Variants in JMJD1C observed in about 807,000 individuals in gnomAD.
JMJD1C encodes the protein jumonji domain containing 1C, also known as jumonji domain-containing protein 1C.
Under a neutral mutation model 245.3 loss-of-function variants are expected in JMJD1C, and 31 were observed. The ratio of observed to expected loss-of-function variants is 0.13; its 90% CI spans 0.09 to 0.17. JMJD1C has a LOEUF of 0.17. JMJD1C is among the 10% of genes least tolerant of loss of function. JMJD1C has a pLI of 1.00. For missense variants in JMJD1C, 2,691 were observed against 3,000.2 expected (o/e 0.90, Z 2.41); for synonymous variants, 1,057 against 1,017.4 (o/e 1.04, Z -0.74).
rs999569007 is a variant in JMJD1C, at chr10:63,442,844, T to C, written c.168+22651A>G. 4.0e-5 allele frequency among the ~76,000 whole-genome samples: 6 copies of C among 150,468 alleles called. No homozygotes were observed. In the South Asian group the frequency reaches 8.3e-4, roughly 21 times the overall value. On this transcript the variant is annotated intron_variant, in intron 1 of 25. Transcript: ENST00000399262. The stretch of plus-strand genomic sequence containing the variant: ...ACTACATAATCCAATCCTTAAGTAT[T>C]GAGTTTTTTTTCCTCCTAACACCAA...
intron 1 of JMJD1C, among the ~76,000 whole-genome samples, chr10:63,461,438 A>G (rs1294477340): frequency 6.6e-6 from 1 of 152,226 alleles, no homozygotes; most frequent in East Asian, 1.9e-4. Flanking sequence ...CTACCAACTA[A>G]ATAAGAAACT....
chr10:63,423,211 C>T (rs1431259411), intron 1 of JMJD1C, among the ~76,000 whole-genome samples: 8 of 152,070 alleles, frequency 5.3e-5, no homozygotes, highest in Non-Finnish European at 1.5e-5. Context: ...GTGATATGCC[C>T]ACCTCAGCCT....
intron 18 of JMJD1C, among the ~76,000 whole-genome samples, chr10:63,187,032 C>A (rs920218859): frequency 1.3e-5 from 2 of 151,668 alleles, no homozygotes; most frequent in African/African-American, 4.8e-5. Context: ...CAGAAACAAA[C>A]AAACAAAAAA....
chr10:63,382,872 T>A (rs1438560945), intron 1 of JMJD1C: 15 of 455,894 alleles, frequency 3.3e-5, no homozygotes, highest in Non-Finnish European at 6.6e-5. Flanking sequence ...TCTTCCATGA[T>A]GTTTACATCC....
chr10:63,233,275 A>T (rs933278036), intron 3 of JMJD1C, among the ~76,000 whole-genome samples: 4 of 152,128 alleles, frequency 2.6e-5, no homozygotes, highest in African/African-American at 2.4e-5. Context: ...CTGTTTTCAA[A>T]CTCTTCACAG....
chr10:63,319,071 T>G (rs1940487111), intron 2 of JMJD1C, among the ~76,000 whole-genome samples: 1 of 151,818 alleles, frequency 6.6e-6, no homozygotes, highest in South Asian at 2.1e-4. Flanking sequence ...CCATCCTGAC[T>G]AACATGGTGA....
intron 2 of JMJD1C, chr10:63,301,678 G>A (rs1165677477): frequency 1.7e-5 from 7 of 417,976 alleles, no homozygotes; most frequent in Non-Finnish European, 2.8e-5. Flanking sequence ...CAAGGGGAGA[G>A]AGAGCATTAG....
At chr10:63,486,295 C>T (rs890675407) in intron 1 of JMJD1C, among the ~76,000 whole-genome samples, 1 of 151,894 alleles carries the variant, frequency 6.6e-6, no homozygotes, top group African/African-American at 2.4e-5. Context: ...ACAGAAGAAG[C>T]ATGGATAGAG....
chr10:63,383,280 T>C (rs781548030), intron 1 of JMJD1C, among the ~76,000 whole-genome samples: 1 of 151,916 alleles, frequency 6.6e-6, no homozygotes, highest in Admixed American at 6.6e-5. Flanking sequence ...AAAGCTTATC[T>C]ATTAGAATGA....
Position 63,206,646 on chromosome 10 carries a change from T to G in JMJD1C, c.5023A>C (p.Ser1675Arg). The change falls in exon 10 of 26, where the codon AGC (serine) becomes CGC (arginine). Residue 1675 changes from serine (S) to arginine (R), a missense_variant. By Grantham distance (110) the Ser-to-Arg change is moderately radical. Transcript: ENST00000399262. ...EEDLKPNGVLSRSAKERSKLK... is the reference protein window; with the variant it reads ...EEDLKPNGVLRRSAKERSKLK... ...TTACTTCTTTCTTTGGCACTCCTGC[T>G]GAGAACTCCATTGGGTTTCAAATCT... 1 of 1,608,860 alleles carries G rather than the reference T, an allele frequency of 6.2e-7. No individual in the cohort carries two copies. The highest frequency in any genetic ancestry group is 8.5e-7 in the Non-Finnish European group (1 of 1,178,654).
chr10:63,427,984 G>C (rs981121060), intron 1 of JMJD1C: 3 of 692,424 alleles, frequency 4.3e-6, no homozygotes, highest in Non-Finnish European at 8.1e-6. Context: ...ATCCCAGACA[G>C]TTTGGCTTAG....
At chr10:63,403,246 T>C (rs35468796) in intron 1 of JMJD1C, among the ~76,000 whole-genome samples, 1 of 152,096 alleles carries the variant, frequency 6.6e-6, no homozygotes, top group African/African-American at 2.4e-5. Context: ...TGTGTAACTT[T>C]TTAAAACTTC....
In JMJD1C at chr10:63,426,133, G is replaced by C. The variant is rs12217928; in HGVS notation, c.168+39362C>G. ...CTCACGATTGTAATTCCAGCACTTT[G>C]GGAGGCCAAGGCAGAAGAATTGCTT... On this transcript the variant is annotated intron_variant, in intron 1 of 25. Coordinates refer to ENST00000399262, the MANE Select transcript of JMJD1C (RefSeq NM_032776.3). 3.2e-4 allele frequency among the ~76,000 whole-genome samples: 49 copies of C among 152,268 alleles called. No individual in the cohort carries two copies. In the East Asian group the frequency reaches 7.9e-3, roughly 25 times the overall value.
intron 2 of JMJD1C, among the ~76,000 whole-genome samples, chr10:63,291,956 T>C (rs1331999564): frequency 2.0e-5 from 3 of 151,968 alleles, no homozygotes; most frequent in Non-Finnish European, 4.4e-5. Flanking sequence ...GTGTTGTATG[T>C]GTGTGTGTAT....
At chr10:63,353,262 TG>T (rs1173025061) in intron 2 of JMJD1C, among the ~76,000 whole-genome samples, 4 of 152,166 alleles carry the variant, frequency 2.6e-5, no homozygotes, top group Admixed American at 6.6e-5. Context: ...AGTATTTTTT[TG>T]TAAGAACTCA....
At chr10:63,345,261 C>A (rs540397440) in intron 2 of JMJD1C, among the ~76,000 whole-genome samples, 1 of 152,102 alleles carries the variant, frequency 6.6e-6, no homozygotes, top group African/African-American at 2.4e-5. Context: ...CCGAGGTGGG[C>A]GGATCACCTG....
intron 1 of JMJD1C, 53 bp from the exon 2 acceptor site, chr10:63,380,535 CT>C: frequency 5.1e-6 from 7 of 1,374,664 alleles, no homozygotes; most frequent in Non-Finnish European, 7.1e-6. Context: ...AGTGGTATAT[CT>C]TTTTTTACTA....
In JMJD1C at chr10:63,392,396, G is replaced by A. The variant is rs747328638; in HGVS notation, c.169-11914C>T. Among the ~76,000 whole-genome samples, 14 of 152,056 alleles carry A rather than the reference G, an allele frequency of 9.2e-5. 1 individual carries two copies. Among genetic ancestry groups the A allele is most frequent in the African/African-American group, 1.2e-4 (5 of 41,386 alleles). On this transcript the variant is annotated intron_variant, in intron 1 of 25. Transcript: ENST00000399262. ...TATATTAAACTGCACAGTTCTGCAC[G>A]GCAAAGGAAACAATCAACAGAATGA... is the stretch of plus-strand genomic sequence containing the variant.
upstream of JMJD1C, among the ~76,000 whole-genome samples, chr10:63,467,619 T>A (rs1309986674): frequency 6.6e-6 from 1 of 152,266 alleles, no homozygotes; most frequent in Non-Finnish European, 1.5e-5. Context: ...GGCAATTTTA[T>A]TTCCAAGTCC....
Sources: allele counts gnomAD v4.1 joint callset (sites outside exome capture counted in the v4.1 genomes callset), GRCh38; gene constraint gnomAD v4.1.1; transcripts MANE v1.5; gene names NCBI Gene and HGNC (gene_info 2026-07-23, HGNC 2026-07-21).